Variants in SAP130 observed in about 807,000 individuals in gnomAD.
The protein encoded by SAP130 is Sin3A associated protein 130, also known as histone deacetylase complex subunit SAP130.
In SAP130, 16 loss-of-function variants were observed where a neutral mutation model predicts 103.2. That is an observed-to-expected ratio of 0.16 (90% confidence interval 0.10 to 0.24). The LOEUF (loss-of-function observed/expected upper bound fraction) is 0.24. SAP130 is among the 10% of genes least tolerant of loss of function. The pLI, the probability that SAP130 is intolerant of heterozygous loss-of-function variation, is 1.00. For missense variants in SAP130, 990 were observed against 1,359.7 expected (o/e 0.73, Z 4.28); for synonymous variants, 477 against 497.0 (o/e 0.96, Z 0.53).
rs1244147657 is a variant in SAP130, at chr2:128,000,457, G to A, written c.870-3C>T. 1.2e-6 allele frequency: 2 copies of A among 1,613,916 alleles called. No homozygotes were observed. Among genetic ancestry groups the A allele is most frequent in the Non-Finnish European group, 1.7e-6 (2 of 1,179,992 alleles). ...GCTGGATAGACAAGGTTGGCCTACT[G>A]AAAAGATAACAAAGACACAATGCAG... is the stretch of plus-strand genomic sequence containing the variant. On this transcript the variant is annotated splice_region_variant and splice_polypyrimidine_tract_variant and intron_variant, in intron 7 of 20. Coordinates refer to ENST00000643581, the MANE Select transcript of SAP130 (RefSeq NM_001330301.2).
chr2:128,005,122 C>G (rs567714260), intron 7 of SAP130, among the ~76,000 whole-genome samples: 1 of 152,112 alleles, frequency 6.6e-6, no homozygotes, highest in Admixed American at 6.5e-5. Flanking sequence ...CATAAGAACT[C>G]AGTGGAAATG....
At chr2:128,015,940 CAAA>C (rs58340147) in intron 4 of SAP130, among the ~76,000 whole-genome samples, 3 of 97,500 alleles carry the variant, frequency 3.1e-5, no homozygotes, top group African/African-American at 7.2e-5. Context: ...GATTCTGTCT[CAAA>C]AAAAAAAAAA....
At chr2:128,011,812 T>C (rs184640339) in intron 6 of SAP130, among the ~76,000 whole-genome samples, 5 of 152,258 alleles carry the variant, frequency 3.3e-5, no homozygotes, top group Admixed American at 2.6e-4. Flanking sequence ...AGATTAATCT[T>C]ATCTTTCTTA....
intron 15 of SAP130, among the ~76,000 whole-genome samples, chr2:127,973,390 G>A (rs1395663501): frequency 1.3e-5 from 2 of 152,116 alleles, no homozygotes; most frequent in Non-Finnish European, 2.9e-5. Context: ...GCGCCACCAC[G>A]CTCGGCTAAT....
rs959683480 is a variant in SAP130, at chr2:127,942,353, G to A, written c.3015+71C>T. 10 of 1,180,836 alleles carry A rather than the reference G, an allele frequency of 8.5e-6. No individual in the cohort carries two copies. The highest frequency in any genetic ancestry group is 2.5e-5 in the South Asian group (2 of 80,152). 73.1% of individuals were successfully genotyped at this position (1,180,836 alleles called of 1,614,324 possible). A position where few individuals can be genotyped will look rare whatever the true frequency, so the allele number is the denominator to read the frequency against. On this transcript the variant is annotated intron_variant, in intron 20 of 20. Coordinates refer to ENST00000643581, the MANE Select transcript of SAP130 (RefSeq NM_001330301.2). The surrounding 1 kb of genome is among the most constrained non-coding windows in gnomAD (Gnocchi z 4.8). ...AGATATGAGGGAGACGGGGGGAAAC[G>A]GGAGAAGTAGGGCTTTACAGAAAGC...
intron 19 of SAP130, among the ~76,000 whole-genome samples, chr2:127,943,613 G>C (rs1029416556): frequency 1.9e-4 from 29 of 152,212 alleles, no homozygotes; most frequent in African/African-American, 7.0e-4. Context: ...TTAAGTATTT[G>C]TGTATCTAAA....
At chr2:128,027,332 T>G in intron 1 of SAP130, 2 of 1,148,360 alleles carry the variant, frequency 1.7e-6, no homozygotes, top group South Asian at 8.9e-5. Context: ...GCCCGCCCAT[T>G]GGCCCCACGC....
At chr2:127,988,929 T>C (rs1682588009) in intron 13 of SAP130, among the ~76,000 whole-genome samples, 1 of 152,194 alleles carries the variant, frequency 6.6e-6, no homozygotes, top group Non-Finnish European at 1.5e-5. Flanking sequence ...GAATTCATAA[T>C]ATTAGCTAAC....
chr2:128,027,824 G>T, intron 1 of SAP130, 116 bp downstream of exon 1: 1 of 674,674 alleles, frequency 1.5e-6, no homozygotes, highest in Non-Finnish European at 1.8e-6. Flanking sequence ...CGCAGGAGAC[G>T]AGGATCCTCT....
intron 7 of SAP130, among the ~76,000 whole-genome samples, chr2:128,009,780 C>T (rs1684247926): frequency 6.6e-6 from 1 of 152,240 alleles, no homozygotes; most frequent in Non-Finnish European, 1.5e-5. Context: ...CTTGGCCTCA[C>T]TGGTGGTCCT....
In SAP130 at chr2:127,958,373, C is replaced by T. The variant is rs1487032342; in HGVS notation, c.2064-3029G>A. Among the ~76,000 whole-genome samples, 11 of 152,328 alleles carry T rather than the reference C, an allele frequency of 7.2e-5. No homozygotes were observed. The East Asian group carries it at 2.1e-3, about 29-fold the overall frequency. On this transcript the variant is annotated intron_variant, in intron 15 of 20. Transcript: ENST00000643581. Reference sequence around the variant, plus strand: ...AGGTTACAGTGAGCTGAGATCATGCCACTGCACTCCAGCCTGGGTGACAGG... The same window carrying T: ...AGGTTACAGTGAGCTGAGATCATGCTACTGCACTCCAGCCTGGGTGACAGG...
chr2:127,952,471 T>A (rs866918535), intron 16 of SAP130, among the ~76,000 whole-genome samples: 2 of 140,320 alleles, frequency 1.4e-5, no homozygotes, highest in African/African-American at 6.1e-5. Context: ...AAAAAAAAAA[T>A]CTTCTTGACA....
At position 127,972,497 on chromosome 2, in the gene SAP130, C is replaced by A. The variant is rs145964080; in HGVS notation, c.2063+5488G>T. 7.1e-3 allele frequency among the ~76,000 whole-genome samples: 1,083 copies of A among 152,216 alleles called. 18 individuals carry two copies. Among genetic ancestry groups the A allele is most frequent in the African/African-American group, 0.025 (1,039 of 41,522 alleles). ...AGCAGGCTGGGCGTGGTGGCTCACC[C>A]CTGTAATCCCAGCACTTTGGGAGGC... On this transcript the variant is annotated intron_variant, in intron 15 of 20. Transcript: ENST00000643581.
chr2:128,027,446 C>A lies in SAP130; in HGVS notation c.-7+494G>T, dbSNP rs963177130. ...CCAGCCAATCAGGCGCGAGCCTGGC[C>A]GGGGCAGCCCAAACCCCTCGAGGCT... is the stretch of plus-strand genomic sequence containing the variant. On this transcript the variant is annotated intron_variant, in intron 1 of 20. Transcript: ENST00000643581. 7 of 1,106,758 alleles carry A rather than the reference C, an allele frequency of 6.3e-6. No individual in the cohort carries two copies. In the East Asian group the frequency reaches 3.1e-4, roughly 49 times the overall value. The allele number at this position is 1,106,758 out of a possible 1,614,324, so 68.6% of individuals were successfully genotyped here. A position where few individuals can be genotyped will look rare whatever the true frequency, so the allele number is the denominator to read the frequency against.
intron 15 of SAP130, among the ~76,000 whole-genome samples, chr2:127,961,517 CTTTT>C (rs10709267): frequency 1.4e-4 from 18 of 129,366 alleles, no homozygotes; most frequent in Admixed American, 2.4e-4. Flanking sequence ...TCATACCTTG[CTTTT>C]TTTTTTTTTT....
At chr2:127,966,220 G>A (rs1447081594) in intron 15 of SAP130, among the ~76,000 whole-genome samples, 1 of 151,994 alleles carries the variant, frequency 6.6e-6, no homozygotes, top group Non-Finnish European at 1.5e-5. Context: ...GCGTGCGCCT[G>A]TAATCCCAGC....
intron 19 of SAP130, among the ~76,000 whole-genome samples, chr2:127,944,726 T>C (rs1441343475): frequency 2.6e-5 from 4 of 151,788 alleles, no homozygotes; most frequent in African/African-American, 9.7e-5. Context: ...GTGCCTGGCC[T>C]CTACAAAAAA....
Position 128,026,248 on chromosome 2 carries a change from C to G in SAP130, c.45G>C (p.Gly15=). 9 of 1,614,104 alleles carry G rather than the reference C, an allele frequency of 5.6e-6. No homozygotes were observed. The highest frequency in any genetic ancestry group is 7.6e-6 in the Non-Finnish European group (9 of 1,180,004). ...CAATCTGAGAAGGGGCCTGGCTCAG[C>G]CCGGTAGAAGGGGCTCCTAACCGAG... is the stretch of plus-strand genomic sequence containing the variant. The part of the protein sequence containing the change: ...QFPRLGAPST[G]LSQAPSQIAN... The change falls in exon 2 of 21, where the codon GGG becomes GGC. Residue 15 remains glycine, a synonymous_variant. Transcript: ENST00000643581.
chr2:127,984,005 G>T (rs2104970894), intron 14 of SAP130, among the ~76,000 whole-genome samples: 1 of 151,732 alleles, frequency 6.6e-6, no homozygotes, highest in East Asian at 1.9e-4. Flanking sequence ...CCTTTTCTCT[G>T]ATCTCTCTTG....
Sources: allele counts gnomAD v4.1 joint callset (sites outside exome capture counted in the v4.1 genomes callset), GRCh38; gene constraint gnomAD v4.1.1; non-coding constraint Gnocchi (gnomAD v3.1); transcripts MANE v1.5; gene names NCBI Gene and HGNC (gene_info 2026-07-23, HGNC 2026-07-21).